Variants in CUBN observed in about 807,000 individuals in gnomAD.
CUBN encodes cubilin, also known as 460 kDa receptor.
CUBN carries 282 observed loss-of-function variants against 405.3 expected under a neutral mutation model. That is an observed-to-expected ratio of 0.70 (90% CI 0.63 to 0.77). The LOEUF (loss-of-function observed/expected upper bound fraction) is 0.77, where lower values mean the gene tolerates loss of function less well. CUBN is among the 30% of genes least tolerant of loss of function. The probability of loss-of-function intolerance (pLI) is 0.00; values close to 1 mark genes in which losing one functional copy is unlikely to be tolerated. For synonymous variants in CUBN, 1,684 were observed against 1,617.0 expected (o/e 1.04, Z -0.99); for missense variants, 4,514 against 4,475.2 (o/e 1.01, Z -0.25).
chr10:16,837,566 A>G (rs1839210531), intron 62 of CUBN, among the ~76,000 whole-genome samples: 1 of 152,024 alleles, frequency 6.6e-6, no homozygotes, highest in African/African-American at 2.4e-5. Context: ...ACAAGCCATT[A>G]AACACCCTCA....
intron 31 of CUBN, among the ~76,000 whole-genome samples, chr10:16,968,231 T>C (rs763005693): frequency 1.3e-5 from 2 of 152,166 alleles, no homozygotes; most frequent in Non-Finnish European, 2.9e-5. Context: ...AAGAGGATGC[T>C]GCGTTAGGTA....
At chr10:16,859,583 C>G (rs1234104938) in intron 59 of CUBN, among the ~76,000 whole-genome samples, 2 of 152,040 alleles carry the variant, frequency 1.3e-5, no homozygotes, top group Non-Finnish European at 2.9e-5. Flanking sequence ...TCGTAAAGTC[C>G]TGAATGAAAA....
intron 10 of CUBN, among the ~76,000 whole-genome samples, chr10:17,108,516 G>A (rs1045824384): frequency 6.6e-6 from 1 of 152,012 alleles, no homozygotes; most frequent in Non-Finnish European, 1.5e-5. Context: ...TCAAGAAATG[G>A]AACTGGGTCC....
chr10:16,951,971 C>T (rs1842932959), intron 33 of CUBN, among the ~76,000 whole-genome samples: 1 of 152,030 alleles, frequency 6.6e-6, no homozygotes. Flanking sequence ...CCTGCATACG[C>T]CTGTTAATAC....
chr10:17,103,298 C>A (rs780181326), intron 12 of CUBN, 61 bp from the exon 13 acceptor site: 201 of 981,622 alleles, frequency 2.0e-4, no homozygotes, highest in Non-Finnish European at 3.2e-4. Flanking sequence ...GGTTGGGCAA[C>A]TGTAACCCTG....
chr10:16,926,945 A>G (rs1418481462), intron 41 of CUBN, among the ~76,000 whole-genome samples: 1 of 151,780 alleles, frequency 6.6e-6, no homozygotes, highest in Admixed American at 6.6e-5. Flanking sequence ...TATACATTAC[A>G]CCTAATATGT....
chr10:16,958,811 C>T, intron 31 of CUBN, among the ~76,000 whole-genome samples: 1 of 152,150 alleles, frequency 6.6e-6, no homozygotes, highest in Non-Finnish European at 1.5e-5. Flanking sequence ...GCTCATGACA[C>T]ACCTCAGTCT....
chr10:16,916,605 G>A (rs1336758950), intron 45 of CUBN, among the ~76,000 whole-genome samples: 1 of 152,078 alleles, frequency 6.6e-6, no homozygotes, highest in Non-Finnish European at 1.5e-5. Context: ...GATATAACAC[G>A]ATCTATGGTG....
At chr10:16,991,729 A>C (rs892437866) in intron 28 of CUBN, among the ~76,000 whole-genome samples, 18 of 151,766 alleles carry the variant, frequency 1.2e-4, no homozygotes, top group Admixed American at 1.3e-4. Flanking sequence ...ATCATCAAAA[A>C]GTCAGGAAAC....
chr10:17,030,460 T>C (rs1834764747), intron 27 of CUBN, among the ~76,000 whole-genome samples: 1 of 152,210 alleles, frequency 6.6e-6, no homozygotes, highest in Admixed American at 6.5e-5. Context: ...ATTATTCTAA[T>C]TTAAAAATCC....
At chr10:17,025,711 G>A (rs553405843) in intron 27 of CUBN, among the ~76,000 whole-genome samples, 38 of 152,254 alleles carry the variant, frequency 2.5e-4, no homozygotes, top group African/African-American at 8.7e-4. Flanking sequence ...CACAGAAATC[G>A]TCACTGGTAG....
rs1243231380 is a variant in CUBN, at chr10:17,127,891, T to G, written c.286A>C (p.Lys96Gln). 3.1e-6 allele frequency: 5 copies of G among 1,611,652 alleles called. No individual in the cohort carries two copies. In the African/African-American group the frequency reaches 4.0e-5, roughly 13 times the overall value. ...QKNKEDIIEL[K>Q]GSAIGLPQNI... is the part of the protein sequence containing the mutation. ...TGAGGCAGACCAATTGCACTCCCTTTTAACTCTATAATATCTTCTTTGTTT... is the reference window on the plus strand; with the variant it reads ...TGAGGCAGACCAATTGCACTCCCTTGTAACTCTATAATATCTTCTTTGTTT... Residue 96 changes from lysine (K) to glutamine (Q), a missense_variant, in exon 3 of 67, where the codon AAA becomes CAA. Lys to Gln is a moderately conservative substitution (Grantham distance 53, BLOSUM62 1). Coordinates refer to ENST00000377833, the MANE Select transcript of CUBN (RefSeq NM_001081.4).
chr10:17,127,424 C>G (rs1328846458), intron 3 of CUBN, among the ~76,000 whole-genome samples: 3 of 146,208 alleles, frequency 2.1e-5, no homozygotes, highest in African/African-American at 7.7e-5. Flanking sequence ...TGCCACCATG[C>G]CCAGCTATTT....
intron 27 of CUBN, among the ~76,000 whole-genome samples, chr10:17,028,751 T>TAATA (rs1186694406): frequency 4.0e-5 from 6 of 149,276 alleles, no homozygotes; most frequent in South Asian, 2.1e-4. Flanking sequence ...AAAGAAAAAA[T>TAATA]AATAAATAAA....
intron 2 of CUBN, among the ~76,000 whole-genome samples, chr10:17,128,142 G>A (rs1837243026): frequency 6.6e-6 from 1 of 152,146 alleles, no homozygotes; most frequent in Non-Finnish European, 1.5e-5. Context: ...ATAGATCAAG[G>A]TATTTTCCAT....
intron 59 of CUBN, among the ~76,000 whole-genome samples, chr10:16,869,116 C>T (rs11591606): frequency 0.12 from 17,537 of 151,316 alleles, 1,356 homozygotes; most frequent in Middle Eastern, 0.2. Context: ...CTTCTTCCTT[C>T]CCATGTTGTA....
At chr10:17,029,555 T>C (rs1834745368) in intron 27 of CUBN, among the ~76,000 whole-genome samples, 1 of 152,236 alleles carries the variant, frequency 6.6e-6, no homozygotes, top group South Asian at 2.1e-4. Context: ...AAGTTATAAA[T>C]TGAAATGTTT....
intron 4 of CUBN, 123 bp downstream of exon 4, chr10:17,126,638 T>C (rs766639745): frequency 1.6e-5 from 17 of 1,049,490 alleles, no homozygotes; most frequent in Admixed American, 3.6e-5. Context: ...AATTAAATTA[T>C]GGGAAAAAGC....
rs1839684409 is a variant in CUBN at position 16,851,503 on chromosome 10, T to C, written c.9455-60A>G. 4.1e-6 allele frequency: 6 copies of C among 1,449,002 alleles called. No homozygotes were observed. In the Admixed American group the frequency reaches 6.7e-5, roughly 16 times the overall value. 89.8% of individuals were successfully genotyped at this position (1,449,002 alleles called of 1,614,324 possible). A position where few individuals can be genotyped will look rare whatever the true frequency, so the allele number is the denominator to read the frequency against. On this transcript the variant is annotated intron_variant, in intron 59 of 66. Coordinates refer to ENST00000377833, the MANE Select transcript of CUBN (RefSeq NM_001081.4). ...AACAGAACCGACCTTACATTGTACA[T>C]GGAGGGTTTTTAAAAAGAACATAGT...
Sources: gnomAD v4.1 joint callset for allele counts (sites outside exome capture counted in the v4.1 genomes callset) on GRCh38, gnomAD v4.1.1 for gene constraint, MANE v1.5 for transcripts, NCBI Gene and HGNC (gene_info 2026-07-23, HGNC 2026-07-21) for gene names.